Variants in NAV2 observed in about 807,000 individuals in gnomAD.
NAV2 encodes neuron navigator 2, also known as helicase, APC down-regulated 1.
In NAV2, 54 loss-of-function variants were observed where a neutral mutation model predicts 223.2. The observed-to-expected ratio is 0.24, with a 90% CI of 0.19 to 0.30. NAV2 has a LOEUF of 0.30. Among genes scored for constraint, NAV2 ranks in the 10% least tolerant of loss-of-function variants. The pLI is 1.00. For synonymous variants in NAV2, 1,279 were observed against 1,239.3 expected, an observed-to-expected ratio of 1.03 and a Z score of -0.67; for missense variants, 2,806 against 3,147.5, an observed-to-expected ratio of 0.89 and a Z score of 2.60.
intron 8 of NAV2, 58 bp from the exon 9 acceptor site, chr11:19,946,343 C>G: frequency 6.7e-7 from 1 of 1,484,606 alleles, no homozygotes; most frequent in Non-Finnish European, 9.2e-7. Context: ...GGATGCTGCC[C>G]TTATGAAGCT....
At chr11:19,682,796 G>A (rs73426641) in intron 1 of NAV2, among the ~76,000 whole-genome samples, 3,292 of 152,238 alleles carry the variant, frequency 0.022, 113 homozygotes, top group African/African-American at 0.066. Flanking sequence ...ACGCTAAGCC[G>A]TTCATGAGGG....
At position 20,045,471 on chromosome 11, in the gene NAV2, A is replaced by C; in HGVS notation, c.3703A>C (p.Lys1235Gln). 1.9e-6 allele frequency: 3 copies of C among 1,614,182 alleles called. No individual in the cohort carries two copies. The highest frequency in any genetic ancestry group is 2.5e-6 in the Non-Finnish European group (3 of 1,180,018). The change falls in exon 14 of 38, where the codon AAA becomes CAA. Residue 1235 changes from lysine (K) to glutamine (Q), a missense_variant. Lys to Gln is a moderately conservative substitution (Grantham distance 53). This residue lies in a region of NAV2 where 742 missense variants were observed against 777.9 expected (regional missense o/e 0.95). Coordinates refer to ENST00000349880, the MANE Select transcript of NAV2 (RefSeq NM_145117.5). The stretch of plus-strand genomic sequence containing the variant: ...AGTGCCCAAACTGAGGGAGCCTTCC[A>C]AAACAGCCCTAGGCAGCTCTCTACC... ...LPVPKLREPSKTALGSSLPGL... is the reference protein window; with the variant it reads ...LPVPKLREPSQTALGSSLPGL...
intron 1 of NAV2, among the ~76,000 whole-genome samples, chr11:19,577,893 G>A (rs1420888735): frequency 1.3e-5 from 2 of 152,170 alleles, no homozygotes; most frequent in African/African-American, 2.4e-5. Context: ...CATGTGCACA[G>A]GCCTCGGAAG....
intron 1 of NAV2, among the ~76,000 whole-genome samples, chr11:19,829,334 C>CT (rs1398162809): frequency 6.6e-6 from 1 of 152,144 alleles, no homozygotes; most frequent in African/African-American, 2.4e-5. Context: ...ACTTGTTTTT[C>CT]TTTGACACTG....
chr11:19,916,751 C>T (rs1031992185), intron 6 of NAV2, among the ~76,000 whole-genome samples: 3 of 152,210 alleles, frequency 2.0e-5, no homozygotes, highest in Non-Finnish European at 4.4e-5. Context: ...TCTGGTGCAG[C>T]TATTCAATAT....
At chr11:19,461,626 C>A (rs1406958146) in intron 1 of NAV2, among the ~76,000 whole-genome samples, 1 of 152,040 alleles carries the variant, frequency 6.6e-6, no homozygotes, top group African/African-American at 2.4e-5. Flanking sequence ...TGGAAGGGAC[C>A]GTTTAGATCA....
intron 1 of NAV2, among the ~76,000 whole-genome samples, chr11:19,613,497 G>A (rs931073084): frequency 2.6e-5 from 4 of 152,190 alleles, no homozygotes; most frequent in African/African-American, 9.7e-5. Context: ...TGTTTGCTAG[G>A]TGGTTGAGGA....
At chr11:19,485,478 T>G (rs2042412676) in intron 1 of NAV2, among the ~76,000 whole-genome samples, 1 of 152,144 alleles carries the variant, frequency 6.6e-6, no homozygotes, top group Admixed American at 6.6e-5. Context: ...CTGAGGGACA[T>G]TTAAAGGCCC....
chr11:19,492,874 G>A (rs923788192), intron 1 of NAV2, among the ~76,000 whole-genome samples: 1 of 152,188 alleles, frequency 6.6e-6, no homozygotes, highest in Non-Finnish European at 1.5e-5. Context: ...GAGGTTAGAT[G>A]TGACACGGTA....
At chr11:19,643,328 C>T (rs1306665255) in intron 1 of NAV2, among the ~76,000 whole-genome samples, 6 of 121,838 alleles carry the variant, frequency 4.9e-5, no homozygotes, top group South Asian at 3.4e-4. Flanking sequence ...CCCCACCCCA[C>T]GACAGGCCCC....
chr11:19,951,630 A>G (rs1356630709), intron 10 of NAV2, among the ~76,000 whole-genome samples: 2 of 152,176 alleles, frequency 1.3e-5, no homozygotes, highest in Non-Finnish European at 2.9e-5. Flanking sequence ...AAAGATGGCC[A>G]GTGAATTCAT....
chr11:19,765,169 GT>G (rs1457091764), intron 1 of NAV2, among the ~76,000 whole-genome samples: 4 of 152,160 alleles, frequency 2.6e-5, no homozygotes, highest in Non-Finnish European at 5.9e-5. Flanking sequence ...TTTATTTCCA[GT>G]GACTTCTGAT....
intron 1 of NAV2, among the ~76,000 whole-genome samples, chr11:19,598,062 C>G (rs1273603759): frequency 6.6e-6 from 1 of 152,232 alleles, no homozygotes; most frequent in Non-Finnish European, 1.5e-5. Context: ...GGGGCCAGGC[C>G]CCAGCCACTG....
At position 19,940,839 on chromosome 11, in the gene NAV2, G is replaced by T. The variant is rs115031734; in HGVS notation, c.2146+1066G>T. ...AGCAGTCCATCTTAGAATGATTTGG[G>T]CCCCACATTTGGGATTGATTTTGTT... On this transcript the variant is annotated intron_variant, in intron 8 of 37. Coordinates refer to ENST00000349880, the MANE Select transcript of NAV2 (RefSeq NM_145117.5). Among the ~76,000 whole-genome samples, 634 of 152,270 alleles carry T rather than the reference G, an allele frequency of 4.2e-3. 8 individuals carry two copies. The highest frequency in any genetic ancestry group is 0.014 in the African/African-American group (597 of 41,552).
At chr11:20,075,434 G>T (rs1183876479) in intron 22 of NAV2, among the ~76,000 whole-genome samples, 1 of 151,850 alleles carries the variant, frequency 6.6e-6, no homozygotes, top group Non-Finnish European at 1.5e-5. Flanking sequence ...GTAGAGACGG[G>T]GTTTCACCGT....
chr11:19,874,257 T>C (rs1425884807), intron 4 of NAV2, among the ~76,000 whole-genome samples: 1 of 151,938 alleles, frequency 6.6e-6, no homozygotes, highest in African/African-American at 2.4e-5. Context: ...GAAAGTGGAG[T>C]CAAGGCAATA....
At chr11:19,430,432 C>T (rs2133589112) in intron 1 of NAV2, among the ~76,000 whole-genome samples, 1 of 152,304 alleles carries the variant, frequency 6.6e-6, no homozygotes, top group South Asian at 2.1e-4. Flanking sequence ...ACAGTTCAAA[C>T]CCAGCGACCC....
At chr11:20,018,755 A>G (rs187582899) in intron 11 of NAV2, among the ~76,000 whole-genome samples, 98 of 152,286 alleles carry the variant, frequency 6.4e-4, no homozygotes, top group African/African-American at 2.3e-3. Context: ...CTGTTGAAAG[A>G]CAATGTGTTG....
intron 1 of NAV2, among the ~76,000 whole-genome samples, chr11:19,520,885 A>G (rs1261223894): frequency 6.6e-6 from 1 of 152,054 alleles, no homozygotes. Flanking sequence ...GGCTGCCATT[A>G]CCATTTCATT....
Sources: allele counts gnomAD v4.1 joint callset (sites outside exome capture counted in the v4.1 genomes callset), GRCh38; gene constraint gnomAD v4.1.1; regional missense constraint gnomAD v4.1.1; transcripts MANE v1.5; gene names NCBI Gene and HGNC (gene_info 2026-07-23, HGNC 2026-07-21).